TRIM42: variants seen among roughly 807,000 people sequenced by gnomAD.
TRIM42 encodes tripartite motif containing 42.
TRIM42 carries 59 observed loss-of-function variants against 64.9 expected under a neutral mutation model. The observed-to-expected ratio is 0.91, with a 90% CI of 0.74 to 1.13. The LOEUF (loss-of-function observed/expected upper bound fraction) is 1.13, where lower values mean the gene tolerates loss of function less well. Ranked by LOEUF, TRIM42 falls within the 50% of genes most tolerant of loss-of-function variation. TRIM42 has a pLI of 0.00. For missense variants in TRIM42, 878 were observed against 929.5 expected (o/e 0.94, Z 0.72); for synonymous variants, 354 against 346.3 (o/e 1.02, Z -0.25).
intron 2 of TRIM42, among the ~76,000 whole-genome samples, chr3:140,683,414 G>C (rs1000615070): frequency 2.6e-5 from 4 of 152,196 alleles, no homozygotes; most frequent in Non-Finnish European, 5.9e-5. Context: ...CCCCTCACTG[G>C]GTTGCCATGA....
intron 2 of TRIM42, among the ~76,000 whole-genome samples, chr3:140,686,702 T>C (rs1988553580): frequency 6.6e-6 from 1 of 152,284 alleles, no homozygotes; most frequent in South Asian, 2.1e-4. Context: ...TGGTAAGGAT[T>C]ATTGCCCATC....
Position 140,688,546 on chromosome 3 carries a change from A to G in TRIM42, c.1860+4A>G, listed in dbSNP as rs1442767256. The G allele has an allele frequency of 6.2e-7, 1 of 1,600,876 alleles. No individual in the cohort carries two copies. Among genetic ancestry groups the G allele is most frequent in the East Asian group, 2.2e-5 (1 of 44,762 alleles). ...GGTGTACCCAAGAGCTGCCAAGGTA[A>G]GAAAGGTTCTGGGCCCAGTGGGGAA... On this transcript the variant is annotated splice_donor_region_variant and intron_variant, in intron 3 of 4. Coordinates refer to ENST00000286349, the MANE Select transcript of TRIM42 (RefSeq NM_152616.5).
At chr3:140,683,222 G>A (rs1350963688) in intron 2 of TRIM42, 63 bp downstream of exon 2, 4 of 1,550,172 alleles carry the variant, frequency 2.6e-6, no homozygotes, top group Admixed American at 1.7e-5. Context: ...GGAAGATGGC[G>A]TGGGGTAATC....
intron 2 of TRIM42, among the ~76,000 whole-genome samples, chr3:140,685,664 GT>G (rs78793877): frequency 3.3e-5 from 5 of 151,636 alleles, no homozygotes; most frequent in East Asian, 1.9e-4. Context: ...CAAGAGAAGA[GT>G]TTTTTTTTAA....
chr3:140,697,797 C>T (rs1285191018), intron 4 of TRIM42, among the ~76,000 whole-genome samples: 2 of 152,196 alleles, frequency 1.3e-5, no homozygotes, highest in African/African-American at 4.8e-5. Flanking sequence ...CATTCTCCTG[C>T]CTCAGCCTCC....
rs1211804840 is a variant in TRIM42, at chr3:140,678,295, C to A, written c.66C>A (p.Cys22Ter). The change falls in exon 1 of 5, where the codon TGC becomes TGA. Residue 22 changes from cysteine to a stop codon, truncating the protein, a stop_gained. Coordinates refer to ENST00000286349, the MANE Select transcript of TRIM42 (RefSeq NM_152616.5). LOFTEE classifies it high-confidence loss of function. ...CTWQRCCPQLCSCLCCKFIFT... is the reference protein window; with the variant it reads ...CTWQRCCPQL ...GGCAGAGATGTTGTCCTCAGTTATG[C>A]TCCTGTCTGTGCTGCAAGTTCATCT... 6.2e-7 allele frequency: 1 copy of A among 1,614,090 alleles called. No homozygotes were observed. Among genetic ancestry groups the A allele is most frequent in the East Asian group, 2.2e-5 (1 of 44,896 alleles).
chr3:140,678,088 A>C lies in TRIM42; in HGVS notation c.-142A>C. The C allele has an allele frequency of 2.7e-6, 2 of 745,662 alleles. No individual in the cohort carries two copies. Among genetic ancestry groups the C allele is most frequent in the Non-Finnish European group, 4.6e-6 (2 of 436,478 alleles). The allele number at this position is 745,662 out of a possible 1,614,324, so 46.2% of individuals were successfully genotyped here. A position where few individuals can be genotyped will look rare whatever the true frequency, so the allele number is the denominator to read the frequency against. On this transcript the variant is annotated 5_prime_UTR_variant, in exon 1 of 5. Transcript: ENST00000286349. The stretch of plus-strand genomic sequence containing the variant: ...TAGGGACACCAGCTGTGAAGTCCTC[A>C]TAACAGCCAACTTCTTGCAACTTTC...
chr3:140,690,531 GTATATATATATATATATATATATATA>G (rs56969249), intron 3 of TRIM42, among the ~76,000 whole-genome samples: 11,886 of 104,092 alleles, frequency 0.11, 924 homozygotes, highest in Non-Finnish European at 0.14. Context: ...AAGTTTTTAT[GTATATATATATATATATATATATATA>G]TATATATATA....
Position 140,691,077 on chromosome 3 carries a change from G to A in TRIM42, c.1970G>A (p.Arg657Gln), listed in dbSNP as rs115301879. 4,811 of 1,614,060 alleles carry A rather than the reference G, an allele frequency of 3.0e-3. 15 individuals carry two copies. The highest frequency in any genetic ancestry group is 0.013 in the East Asian group (566 of 44,866). ...CAAATGGAGCTCTGTGGACAAATTC[G>A]GGACATAATGCAGCAAAATCTGGAG... Reference protein sequence around the residue: ...NVQMELCGQIRDIMQQNLELH... With the variant: ...NVQMELCGQIQDIMQQNLELH... The change falls in exon 4 of 5, where the codon CGG becomes CAG. Residue 657 changes from arginine to glutamine, a missense_variant. Transcript: ENST00000286349.
Position 140,682,630 on chromosome 3 carries a change from G to A in TRIM42, c.510G>A (p.Leu170=). 6.2e-7 allele frequency: 1 copy of A among 1,614,068 alleles called. No individual in the cohort carries two copies. Residue 170 remains leucine, a synonymous_variant, in exon 2 of 5, where the codon CTG becomes CTA. Transcript: ENST00000286349. ...PCNHSLCEKC[L]RQLQKHAEVT... ...ACCACAGCCTGTGCGAGAAGTGCCT[G>A]CGGCAGCTGCAGAAGCACGCCGAGG...
Position 140,682,892 on chromosome 3 carries a change from C to T in TRIM42, c.772C>T (p.Leu258=), listed in dbSNP as rs1988447547. The stretch of plus-strand genomic sequence containing the variant: ...GCGCTGCATCACCTGCCGCCTCAAC[C>T]TGTGCAACGACTGCCTCAAGGCCTT... ...YKRCITCRLN[L]CNDCLKAFHS... The change falls in exon 2 of 5, where the codon CTG becomes TTG. Residue 258 remains leucine (L), a synonymous_variant. Transcript: ENST00000286349. The T allele has an allele frequency of 1.2e-6, 2 of 1,614,126 alleles. No individual in the cohort carries two copies. The highest frequency in any genetic ancestry group is 1.1e-5 in the South Asian group (1 of 91,092).
Position 140,700,823 on chromosome 3 carries a change from G to A in TRIM42, c.2086-65G>A, listed in dbSNP as rs1275542309. ...TGATGTGTGTAGTGTCTGACATGCAGAAGGGCCCAGGCTACTGGGAGCTGT... is the reference window on the plus strand; with the variant it reads ...TGATGTGTGTAGTGTCTGACATGCAAAAGGGCCCAGGCTACTGGGAGCTGT... On this transcript the variant is annotated intron_variant, in intron 4 of 4. Transcript: ENST00000286349. 3.5e-5 allele frequency: 51 copies of A among 1,470,758 alleles called. 1 individual carries two copies. The highest frequency in any genetic ancestry group is 4.7e-5 in the Non-Finnish European group (50 of 1,053,716). The allele number at this position is 1,470,758 out of a possible 1,614,324, so 91.1% of individuals were successfully genotyped here.
In TRIM42 at chr3:140,688,382, C is replaced by G; in HGVS notation, c.1700C>G (p.Pro567Arg). ...GRAQSATPAK[P>R]TDGLYTYWSA... ...GCCCAGTCAGCCACCCCCGCCAAAC[C>G]CACAGACGGCCTCTACACCTACTGG... Residue 567 changes from proline to arginine, a missense_variant, in exon 3 of 5, where the codon CCC becomes CGC. Physicochemically the swap from Pro to Arg is moderately radical, Grantham distance 103 (BLOSUM62 -2). Transcript: ENST00000286349. The G allele has an allele frequency of 6.2e-7, 1 of 1,614,170 alleles. No homozygotes were observed. Among genetic ancestry groups the G allele is most frequent in the Non-Finnish European group, 8.5e-7 (1 of 1,180,022 alleles).
intron 4 of TRIM42, among the ~76,000 whole-genome samples, chr3:140,696,643 G>T (rs1043014451): frequency 2.0e-5 from 3 of 152,196 alleles, no homozygotes; most frequent in Non-Finnish European, 4.4e-5. Flanking sequence ...CAAAATGTTG[G>T]CAGGGTTGGT....
At chr3:140,682,082 C>T (rs927676472) in intron 1 of TRIM42, among the ~76,000 whole-genome samples, 7 of 152,274 alleles carry the variant, frequency 4.6e-5, no homozygotes, top group South Asian at 4.1e-4. Flanking sequence ...ACACCAAGGC[C>T]TAGCTGACAA....
At chr3:140,680,229 T>G (rs1988339386) in intron 1 of TRIM42, among the ~76,000 whole-genome samples, 1 of 152,094 alleles carries the variant, frequency 6.6e-6, no homozygotes, top group Non-Finnish European at 1.5e-5. Flanking sequence ...CCACAAGTGT[T>G]AGGAGGTCGG....
intron 1 of TRIM42, among the ~76,000 whole-genome samples, chr3:140,679,885 C>G (rs920887420): frequency 1.4e-5 from 2 of 145,788 alleles, no homozygotes; most frequent in Admixed American, 6.8e-5. Context: ...CCCCACCCCC[C>G]CAAACATTGA....
rs768417236 is a variant in TRIM42, at chr3:140,688,016, C to G, written c.1334C>G (p.Ser445Ter). Residue 445 changes from serine to a stop codon, truncating the protein, a stop_gained, in exon 3 of 5, where the codon TCA becomes TGA. Coordinates refer to ENST00000286349, the MANE Select transcript of TRIM42 (RefSeq NM_152616.5). LOFTEE classifies it high-confidence loss of function. Reference sequence around the variant, plus strand: ...ACTGGCCAGGTGGCATTCCTGCAGTCAGCCAAGATCCTGGTGGACCAGATC... The same window carrying G: ...ACTGGCCAGGTGGCATTCCTGCAGTGAGCCAAGATCCTGGTGGACCAGATC... Reference protein sequence around the residue: ...KETGQVAFLQSAKILVDQIED... With the variant: ...KETGQVAFLQ The G allele has an allele frequency of 1.9e-6, 3 of 1,614,108 alleles. No individual in the cohort carries two copies. The highest frequency in any genetic ancestry group is 2.5e-6 in the Non-Finnish European group (3 of 1,180,048).
At chr3:140,692,473 G>A (rs946459109) in intron 4 of TRIM42, among the ~76,000 whole-genome samples, 3 of 149,596 alleles carry the variant, frequency 2.0e-5, no homozygotes, top group African/African-American at 7.4e-5. Context: ...CCAGCCCCAG[G>A]GGGACATGCT....
Sources: allele counts gnomAD v4.1 joint callset (sites outside exome capture counted in the v4.1 genomes callset), GRCh38; gene constraint gnomAD v4.1.1; transcripts MANE v1.5; gene names NCBI Gene and HGNC (gene_info 2026-07-23, HGNC 2026-07-21).